KCNH1: variants seen among roughly 807,000 people sequenced by gnomAD.
KCNH1 encodes the protein potassium voltage-gated channel subfamily H member 1.
KCNH1 carries 27 observed loss-of-function variants against 69.2 expected under a neutral mutation model. The ratio of observed to expected loss-of-function variants is 0.39; its 90% CI spans 0.29 to 0.54. The LOEUF (loss-of-function observed/expected upper bound fraction) is 0.54. KCNH1 is among the 20% of genes least tolerant of loss of function. KCNH1 has a pLI of 0.68. For synonymous variants in KCNH1, 456 were observed against 487.7 expected (o/e 0.93, Z 0.86); for missense variants, 798 against 1,261.6 (o/e 0.63, Z 5.57).
intron 7 of KCNH1, among the ~76,000 whole-genome samples, chr1:210,908,017 A>G (rs1687152498): frequency 6.6e-6 from 1 of 152,212 alleles, no homozygotes; most frequent in African/African-American, 2.4e-5. Context: ...GCATTTGGAT[A>G]AATGTCGAGT....
intron 7 of KCNH1, among the ~76,000 whole-genome samples, chr1:210,915,428 T>C (rs1224330302): frequency 6.6e-6 from 1 of 152,126 alleles, no homozygotes; most frequent in Admixed American, 6.5e-5. Flanking sequence ...GGCATGGCCT[T>C]GTGTTTCTCT....
At chr1:210,744,508 G>A (rs935946736) in intron 10 of KCNH1, among the ~76,000 whole-genome samples, 2 of 152,188 alleles carry the variant, frequency 1.3e-5, no homozygotes, top group African/African-American at 2.4e-5. Flanking sequence ...GCCAGGCATG[G>A]TGGTGTGTGC....
At chr1:210,950,325 C>T (rs1343917042) in intron 6 of KCNH1, among the ~76,000 whole-genome samples, 12 of 146,032 alleles carry the variant, frequency 8.2e-5, no homozygotes, top group African/African-American at 2.0e-4. Flanking sequence ...CCCACTAACT[C>T]GTCATCTAGC....
At chr1:211,121,899 A>G (rs574121712) in intron 1 of KCNH1, among the ~76,000 whole-genome samples, 9 of 152,116 alleles carry the variant, frequency 5.9e-5, no homozygotes, top group Non-Finnish European at 1.2e-4. Flanking sequence ...ACTTTGGGAG[A>G]CCCAGGTGGG....
At chr1:210,741,128 C>T (rs1483225333) in intron 10 of KCNH1, among the ~76,000 whole-genome samples, 1 of 152,098 alleles carries the variant, frequency 6.6e-6, no homozygotes, top group African/African-American at 2.4e-5. Context: ...TAGGATCCTT[C>T]GAATGACTGG....
intron 7 of KCNH1, among the ~76,000 whole-genome samples, chr1:210,917,227 GAGAGAAAGAA>G (rs1432444867): frequency 2.5e-3 from 193 of 77,128 alleles, no homozygotes; most frequent in African/African-American, 6.1e-3. Context: ...GAGAGAGAGA[GAGAGAAAGAA>G]AGAAAGAAAG....
chr1:210,977,725 T>C (rs932196707), intron 6 of KCNH1, among the ~76,000 whole-genome samples: 1 of 152,222 alleles, frequency 6.6e-6, no homozygotes, highest in Non-Finnish European at 1.5e-5. Flanking sequence ...TTAAGGTAAC[T>C]GGGCTGAATC....
intron 7 of KCNH1, among the ~76,000 whole-genome samples, chr1:210,885,211 G>A (rs755067511): frequency 2.0e-4 from 31 of 152,132 alleles, no homozygotes; most frequent in Non-Finnish European, 3.7e-4. Flanking sequence ...TGAGGTACCC[G>A]GCTCATCTCA....
chr1:211,102,535 T>C (rs1358713890), intron 3 of KCNH1, among the ~76,000 whole-genome samples: 2 of 152,190 alleles, frequency 1.3e-5, no homozygotes, highest in Admixed American at 6.5e-5. Flanking sequence ...GGCTTGTGGA[T>C]GGCCAGTGCA....
intron 7 of KCNH1, among the ~76,000 whole-genome samples, chr1:210,827,210 C>A (rs897240636): frequency 6.6e-6 from 1 of 152,068 alleles, no homozygotes; most frequent in African/African-American, 2.4e-5. Flanking sequence ...GTGGCGGGTG[C>A]CTGTAATCCC....
At chr1:211,051,034 A>G (rs920119653) in intron 5 of KCNH1, among the ~76,000 whole-genome samples, 1 of 141,836 alleles carries the variant, frequency 7.1e-6, no homozygotes, top group Non-Finnish European at 1.5e-5. Flanking sequence ...GTCTTGCTCC[A>G]TCACCCCAGC....
intron 5 of KCNH1, among the ~76,000 whole-genome samples, chr1:211,074,485 A>ACAGTAATT (rs1690699242): frequency 6.6e-6 from 1 of 152,148 alleles, no homozygotes; most frequent in South Asian, 2.1e-4. Flanking sequence ...CATTGTACGT[A>ACAGTAATT]CAGTAATTGT....
At chr1:210,788,085 G>C (rs1254680854) in intron 9 of KCNH1, among the ~76,000 whole-genome samples, 1 of 152,144 alleles carries the variant, frequency 6.6e-6, no homozygotes, top group East Asian at 1.9e-4. Flanking sequence ...ACTGAAAGCA[G>C]GTGATAATTT....
chr1:211,095,278 A>G (rs1401191244), intron 3 of KCNH1, among the ~76,000 whole-genome samples: 1 of 152,240 alleles, frequency 6.6e-6, no homozygotes, highest in African/African-American at 2.4e-5. Flanking sequence ...CAACGGGTCA[A>G]TGTTAAATCC....
intron 10 of KCNH1, among the ~76,000 whole-genome samples, chr1:210,738,921 A>C (rs986035745): frequency 6.6e-6 from 1 of 152,080 alleles, no homozygotes; most frequent in Non-Finnish European, 1.5e-5. Context: ...TTCTGTGAGC[A>C]GCTTTACCTC....
In KCNH1 at chr1:210,750,573, C is replaced by G. The variant is rs376647877; in HGVS notation, c.2112+24775G>C. Among the ~76,000 whole-genome samples, 119 of 152,256 alleles carry G rather than the reference C, an allele frequency of 7.8e-4. 3 individuals are homozygous for G. The South Asian group carries it at 0.024, about 31-fold the overall frequency. On this transcript the variant is annotated intron_variant, in intron 10 of 10. Transcript: ENST00000271751. The stretch of plus-strand genomic sequence containing the variant: ...AAATCTTCAGTTTCATAAGCCAAGT[C>G]ACAGGAAGGAATCTTGGTCTTCTAA...
chr1:211,062,030 A>T (rs1690440948), intron 5 of KCNH1, among the ~76,000 whole-genome samples: 1 of 152,182 alleles, frequency 6.6e-6, no homozygotes, highest in African/African-American at 2.4e-5. Context: ...CAAAAAGAAC[A>T]GAACTGGAAG....
chr1:210,701,803 C>G (rs1681788277), intron 10 of KCNH1, among the ~76,000 whole-genome samples: 1 of 152,064 alleles, frequency 6.6e-6, no homozygotes, highest in Non-Finnish European at 1.5e-5. Context: ...GTCCCCTTGC[C>G]CAAATATCAT....
intron 7 of KCNH1, among the ~76,000 whole-genome samples, chr1:210,871,647 C>G (rs1236481142): frequency 1.3e-5 from 2 of 151,888 alleles, no homozygotes; most frequent in Non-Finnish European, 2.9e-5. Flanking sequence ...GACTTGGAAC[C>G]AATCCAAATG....
Sources: allele counts gnomAD v4.1 joint callset (sites outside exome capture counted in the v4.1 genomes callset), GRCh38; gene constraint gnomAD v4.1.1; transcripts MANE v1.5; gene names NCBI Gene and HGNC (gene_info 2026-07-23, HGNC 2026-07-21).